Variants in DGKB observed in about 807,000 individuals in gnomAD.
DGKB encodes diacylglycerol kinase beta, also known as 90 kDa diacylglycerol kinase.
DGKB carries 67 observed loss-of-function variants against 114.3 expected under a neutral mutation model. The ratio of observed to expected loss-of-function variants is 0.59; its 90% CI spans 0.48 to 0.72. DGKB has a LOEUF of 0.72. Among genes scored for constraint, DGKB ranks in the 30% least tolerant of loss-of-function variants. The probability of loss-of-function intolerance (pLI) is 0.00; values close to 1 mark genes in which losing one functional copy is unlikely to be tolerated. For synonymous variants in DGKB, 398 were observed against 323.1 expected (o/e 1.23, Z -2.49); for missense variants, 907 against 975.2 (o/e 0.93, Z 0.93).
rs1781457933 is a variant in DGKB, at chr7:14,146,193, A to C, written c.*2938T>G. On this transcript the variant is annotated 3_prime_UTR_variant, in exon 26 of 26. Transcript: ENST00000402815. ...TACATGGTGTACACAAGGAAGTGGA[A>C]AAAATAAATTTACGTCTTTTAAACT... 1 of 152,240 alleles carries C rather than the reference A, an allele frequency of 6.6e-6. No individual in the cohort carries two copies. Among genetic ancestry groups the C allele is most frequent in the African/African-American group, 2.4e-5 (1 of 41,468 alleles). The allele number at this position is 152,240 out of a possible 1,614,324, so 9.4% of individuals were successfully genotyped here. A position where few individuals can be genotyped will look rare whatever the true frequency, so the allele number is the denominator to read the frequency against.
At chr7:14,505,547 G>A (rs540615314) in intron 20 of DGKB, among the ~76,000 whole-genome samples, 1 of 152,046 alleles carries the variant, frequency 6.6e-6, no homozygotes, top group Non-Finnish European at 1.5e-5. Flanking sequence ...CAACTTTGCT[G>A]CCTTGTGAAG....
At position 14,338,571 on chromosome 7, in the gene DGKB, C is replaced by G. The variant is rs776470699; in HGVS notation, c.2066G>C (p.Gly689Ala). ...TGTGACGGTGGTCCTTTTGTCAGAC[C>G]CTTTTTTCTCTATTCGTCGATGGCT... is the stretch of plus-strand genomic sequence containing the variant. Reference protein sequence around the residue: ...RRSHRRIEKKGSDKRTTVTDA... With the variant: ...RRSHRRIEKKASDKRTTVTDA... The change falls in exon 23 of 26, where the codon GGG (glycine) becomes GCG (alanine). Residue 689 changes from glycine to alanine, a missense_variant. Gly to Ala is a moderately conservative substitution (Grantham distance 60). Around this residue, in one of 3 missense-constraint regions of DGKB, gnomAD observed 814 missense variants for 856.6 expected, o/e 0.95. Coordinates refer to ENST00000402815, the MANE Select transcript of DGKB (RefSeq NM_001350709.2). 1 of 1,607,996 alleles carries G rather than the reference C, an allele frequency of 6.2e-7. No individual in the cohort carries two copies. The highest frequency in any genetic ancestry group is 8.5e-7 in the Non-Finnish European group (1 of 1,177,096).
At chr7:14,339,398 C>G (rs1276693327) in intron 22 of DGKB, among the ~76,000 whole-genome samples, 1 of 151,598 alleles carries the variant, frequency 6.6e-6, no homozygotes, top group African/African-American at 2.4e-5. Context: ...GTCAAAAGAC[C>G]TTCAATCCAG....
intron 1 of DGKB, among the ~76,000 whole-genome samples, chr7:14,882,261 T>C (rs1854344739): frequency 6.6e-6 from 1 of 151,952 alleles, no homozygotes; most frequent in South Asian, 2.1e-4. Context: ...AAGGATGTAG[T>C]CCACAAAAGG....
intron 1 of DGKB, among the ~76,000 whole-genome samples, chr7:14,926,343 C>T (rs887348987): frequency 3.3e-5 from 5 of 151,760 alleles, no homozygotes; most frequent in Admixed American, 3.3e-4. Context: ...TTGTGATTTC[C>T]CTTGCTTTTG....
Position 14,399,533 on chromosome 7 carries a change from T to G in DGKB, c.1836-54142A>C, listed in dbSNP as rs537985130. Among the ~76,000 whole-genome samples the G allele has an allele frequency of 1.1e-3, 163 of 151,914 alleles. 1 individual carries two copies. The highest frequency in any genetic ancestry group is 3.9e-3 in the African/African-American group (161 of 41,516). Reference sequence around the variant, plus strand: ...TAGTACCTATAATACAAATAACCCTTAACTAATTTTATAACTAAGTGCTAA... The same window carrying G: ...TAGTACCTATAATACAAATAACCCTGAACTAATTTTATAACTAAGTGCTAA... On this transcript the variant is annotated intron_variant, in intron 21 of 25. Coordinates refer to ENST00000402815, the MANE Select transcript of DGKB (RefSeq NM_001350709.2).
intron 21 of DGKB, among the ~76,000 whole-genome samples, chr7:14,382,105 G>GT (rs34054386): frequency 0.68 from 103,651 of 152,086 alleles, 36,199 homozygotes; most frequent in Non-Finnish European, 0.77. Context: ...TTTGTCTCAG[G>GT]TTCACCTCTG....
intron 23 of DGKB, among the ~76,000 whole-genome samples, chr7:14,322,856 G>A (rs1215507987): frequency 1.3e-5 from 2 of 152,126 alleles, no homozygotes; most frequent in Admixed American, 6.6e-5. Flanking sequence ...TCATTAAAAT[G>A]CATATTTACA....
intron 13 of DGKB, among the ~76,000 whole-genome samples, chr7:14,662,584 A>C (rs1817344137): frequency 6.6e-6 from 1 of 152,008 alleles, no homozygotes; most frequent in Non-Finnish European, 1.5e-5. Flanking sequence ...AAGATGCTAG[A>C]CAAAAACAGT....
intron 23 of DGKB, among the ~76,000 whole-genome samples, chr7:14,192,860 A>G (rs1240175757): frequency 6.6e-6 from 1 of 152,054 alleles, no homozygotes; most frequent in East Asian, 1.9e-4. Context: ...ACTAGATGAT[A>G]CCATCTAGGG....
chr7:14,719,619 T>C (rs1174656363), intron 5 of DGKB, among the ~76,000 whole-genome samples: 2 of 152,016 alleles, frequency 1.3e-5, no homozygotes, highest in Non-Finnish European at 2.9e-5. Context: ...CCAAACACAG[T>C]TCTAGAACCC....
chr7:14,910,242 A>AAAAGAAAG lies in DGKB; in HGVS notation c.-188+64446_-188+64453dup, dbSNP rs61063816. On this transcript the variant is annotated intron_variant, in intron 1 of 4. Transcript: ENST00000437998. ...GGTGACAGAGCGAGACTCCATCAAA[A>AAAAGAAAG]AAAGAAAGAAAGAAAGAAAGAAAGA... Among the ~76,000 whole-genome samples the AAAAGAAAG allele has an allele frequency of 4.6e-3, 503 of 110,054 alleles. 6 individuals are homozygous for AAAAGAAAG. The highest frequency in any genetic ancestry group is 0.013 in the East Asian group (49 of 3,756). The allele number at this position is 110,054 out of a possible 152,430, so 72.2% of individuals were successfully genotyped here.
intron 17 of DGKB, among the ~76,000 whole-genome samples, chr7:14,602,305 T>C (rs1803693467): frequency 2.0e-5 from 3 of 152,134 alleles, no homozygotes; most frequent in Admixed American, 2.0e-4. Context: ...TTTGAGTTGG[T>C]ATTAAAACAA....
chr7:14,291,159 A>AT (rs1801708930), intron 23 of DGKB, among the ~76,000 whole-genome samples: 1 of 151,582 alleles, frequency 6.6e-6, no homozygotes, highest in African/African-American at 2.4e-5. Context: ...AAAAAAAAAA[A>AT]AAAAGAGAAT....
chr7:14,210,898 A>G lies in DGKB; in HGVS notation c.2123-32747T>C, dbSNP rs151243932. 2.6e-4 allele frequency among the ~76,000 whole-genome samples: 39 copies of G among 151,990 alleles called. No individual in the cohort carries two copies. In the East Asian group the frequency reaches 4.5e-3, roughly 17 times the overall value. ...AAACCCATCTCTTCCTGCTTTATAC[A>G]CCCACATTTCCCTGATTTTTGCATG... is the stretch of plus-strand genomic sequence containing the variant. On this transcript the variant is annotated intron_variant, in intron 23 of 25. Coordinates refer to ENST00000402815, the MANE Select transcript of DGKB (RefSeq NM_001350709.2).
intron 21 of DGKB, among the ~76,000 whole-genome samples, chr7:14,423,324 T>C (rs1827003432): frequency 1.3e-5 from 2 of 152,072 alleles, no homozygotes; most frequent in Admixed American, 1.3e-4. Flanking sequence ...ATGGCTCTTC[T>C]TTAAAATAAA....
At chr7:14,926,924 G>A (rs1392953555) in intron 1 of DGKB, among the ~76,000 whole-genome samples, 1 of 151,922 alleles carries the variant, frequency 6.6e-6, no homozygotes, top group Non-Finnish European at 1.5e-5. Context: ...CTTCCATCTG[G>A]TTGGAAGGGT....
rs556576646 is a variant in DGKB at position 14,461,064 on chromosome 7, C to A, written c.1835+17097G>T. Among the ~76,000 whole-genome samples, 5 of 152,190 alleles carry A rather than the reference C, an allele frequency of 3.3e-5. No homozygotes were observed. In the East Asian group the frequency reaches 7.7e-4, roughly 24 times the overall value. Reference sequence around the variant, plus strand: ...TCTTTGAAATCAATTAGAACAAAGACACAATGTACCAGAATTTCTGGGACT... The same window carrying A: ...TCTTTGAAATCAATTAGAACAAAGAAACAATGTACCAGAATTTCTGGGACT... On this transcript the variant is annotated intron_variant, in intron 21 of 25. Transcript: ENST00000402815.
chr7:14,973,099 G>T (rs1049634650), intron 1 of DGKB, among the ~76,000 whole-genome samples: 1 of 151,844 alleles, frequency 6.6e-6, no homozygotes, highest in African/African-American at 2.4e-5. Context: ...TATGCCTCTT[G>T]AAAATAAATC....
Sources: gnomAD v4.1 joint callset for allele counts (sites outside exome capture counted in the v4.1 genomes callset) on GRCh38, gnomAD v4.1.1 for gene constraint, gnomAD v4.1.1 regional missense constraint, MANE v1.5 for transcripts, NCBI Gene and HGNC (gene_info 2026-07-23, HGNC 2026-07-21) for gene names.